MGAM: variants seen among roughly 807,000 people sequenced by gnomAD.
MGAM encodes the protein maltase-glucoamylase, also known as alpha-1,4-glucosidase.
In MGAM, 253 loss-of-function variants were observed where a neutral mutation model predicts 358.8. That is an observed-to-expected ratio of 0.71 (90% CI 0.64 to 0.78). The LOEUF (loss-of-function observed/expected upper bound fraction) is 0.78. Among genes scored for constraint, MGAM ranks in the 30% least tolerant of loss-of-function variants. The pLI is 0.00. For synonymous variants in MGAM, 1,105 were observed against 1,227.1 expected, an observed-to-expected ratio of 0.90 and a Z score of 2.08; for missense variants, 3,080 against 3,432.6, an observed-to-expected ratio of 0.90 and a Z score of 2.57.
chr7:142,034,364 C>A lies in MGAM; in HGVS notation c.1772C>A (p.Ala591Glu). 1 of 1,577,972 alleles carries A rather than the reference C, an allele frequency of 6.3e-7. No homozygotes were observed. Among genetic ancestry groups the A allele is most frequent in the Non-Finnish European group, 8.6e-7 (1 of 1,160,244 alleles). ...DIHNLYGYSM[A>E]VATAEAAKTV... ...CACAATCTGTATGGCTACTCCATGGCGGTCGCCACAGCAGAGTAAGGCCAC... is the reference window on the plus strand; with the variant it reads ...CACAATCTGTATGGCTACTCCATGGAGGTCGCCACAGCAGAGTAAGGCCAC... Residue 591 changes from alanine to glutamate, a missense_variant, in exon 15 of 71, where the codon GCG (alanine) becomes GAG (glutamate). By Grantham distance (107) the Ala-to-Glu change is moderately radical (BLOSUM62 -1). Around this residue, in one of 5 missense-constraint regions of MGAM, gnomAD observed 1,816 missense variants for 1,840.5 expected, o/e 0.99. Transcript: ENST00000475668.
chr7:142,061,048 GA>G (rs1420362279), intron 34 of MGAM, among the ~76,000 whole-genome samples: 1 of 152,158 alleles, frequency 6.6e-6, no homozygotes, highest in Admixed American at 6.5e-5. Flanking sequence ...TTGCTTGAAT[GA>G]ATACATGGCT....
rs187654722 is a variant in MGAM, at chr7:142,044,199, A to G, written c.2498+3353A>G. Among the ~76,000 whole-genome samples the G allele has an allele frequency of 7.8e-3, 1,010 of 129,714 alleles. 178 individuals are homozygous for G. The highest frequency in any genetic ancestry group is 0.018 in the South Asian group (77 of 4,174). 85.1% of individuals were successfully genotyped at this position (129,714 alleles called of 152,430 possible). A position where few individuals can be genotyped will look rare whatever the true frequency, so the allele number is the denominator to read the frequency against. ...TATACACATACGACATATAATATAT[A>G]ATATATACATTATATACACATACGA... On this transcript the variant is annotated intron_variant, in intron 21 of 70. Coordinates refer to ENST00000475668, the MANE Select transcript of MGAM (RefSeq NM_001365693.1).
chr7:142,081,565 G>C (rs114210125), intron 50 of MGAM, among the ~76,000 whole-genome samples: 1 of 146,012 alleles, frequency 6.8e-6, no homozygotes, highest in Non-Finnish European at 1.6e-5. Context: ...AAGTAAGCAG[G>C]TGAGTGCTGG....
rs1584954059 is a variant in MGAM at position 142,034,661 on chromosome 7, C to T, written c.1788-9C>T. ...CCACATTGACTCCTTAAATCTCTCTCCCTTGCAGAGCTGCCAAGACTGTGT... is the reference window on the plus strand; with the variant it reads ...CCACATTGACTCCTTAAATCTCTCTTCCTTGCAGAGCTGCCAAGACTGTGT... On this transcript the variant is annotated splice_polypyrimidine_tract_variant and intron_variant, in intron 15 of 70. Coordinates refer to ENST00000475668, the MANE Select transcript of MGAM (RefSeq NM_001365693.1). The T allele has an allele frequency of 6.2e-7, 1 of 1,611,832 alleles. No individual in the cohort carries two copies. Among genetic ancestry groups the T allele is most frequent in the Non-Finnish European group, 8.5e-7 (1 of 1,178,674 alleles).
intron 66 of MGAM, among the ~76,000 whole-genome samples, chr7:142,098,234 T>G (rs1423809156): frequency 6.6e-6 from 1 of 152,148 alleles, no homozygotes; most frequent in Admixed American, 6.5e-5. Flanking sequence ...GAAGAGCTCC[T>G]TGCCGCATAG....
Position 142,079,060 on chromosome 7 carries a change from A to T in MGAM, c.5847+52A>T. 4 of 1,425,750 alleles carry T rather than the reference A, an allele frequency of 2.8e-6. 1 individual carries two copies. Among genetic ancestry groups the T allele is most frequent in the Non-Finnish European group, 3.9e-6 (4 of 1,027,158 alleles). The allele number at this position is 1,425,750 out of a possible 1,614,324, so 88.3% of individuals were successfully genotyped here. On this transcript the variant is annotated intron_variant, in intron 49 of 70. Transcript: ENST00000475668. ...TGATAAGACCCTTTTCAGTTCCATT[A>T]TCTTTTTCTGGTTCAGGTCACACAA...
At chr7:141,998,358 T>G (rs1455708185) in intron 1 of MGAM, among the ~76,000 whole-genome samples, 2 of 152,130 alleles carry the variant, frequency 1.3e-5, no homozygotes, top group Non-Finnish European at 2.9e-5. Context: ...CATCTAGGTT[T>G]TAAGCCCCAC....
At chr7:142,103,993 CAGGCGTCTGCCACTATGCCCGGCTAAT>C (rs1816644833) in intron 70 of MGAM, among the ~76,000 whole-genome samples, 1 of 152,042 alleles carries the variant, frequency 6.6e-6, no homozygotes, top group Non-Finnish European at 1.5e-5. Flanking sequence ...GCTGTGACTG[CAGGCGTCTGCCACTATGCCCGGCTAAT>C]TTTTTGTATT....
chr7:142,067,949 TATATATATATATATAAATATATATATATA>T (rs1812928935), intron 42 of MGAM, among the ~76,000 whole-genome samples: 1 of 37,224 alleles, frequency 2.7e-5, no homozygotes, highest in Non-Finnish European at 6.0e-5. Flanking sequence ...TATATATATA[TATATATATATATATAAATATATATATATA>T]TATATATATT....
intron 30 of MGAM, among the ~76,000 whole-genome samples, chr7:142,057,464 A>T (rs1223910910): frequency 7.9e-6 from 1 of 126,774 alleles, no homozygotes; most frequent in African/African-American, 2.9e-5. Flanking sequence ...GGTGACAGTG[A>T]GGTGGTGTGA....
At position 142,058,232 on chromosome 7, in the gene MGAM, C is replaced by G. The variant is rs759740339; in HGVS notation, c.3723C>G (p.Tyr1241Ter). Residue 1241 changes from tyrosine to a stop codon, truncating the protein, a stop_gained, in exon 31 of 71, where the codon TAC becomes TAG. Coordinates refer to ENST00000475668, the MANE Select transcript of MGAM (RefSeq NM_001365693.1). LOFTEE classifies it high-confidence loss of function. ...TTGGCCGGCCTGTGATGGTACCTTA[C>G]TGGTCTTTGGGGTTCCAGCTGTGTC... is the stretch of plus-strand genomic sequence containing the variant. ...ELIGRPVMVP[Y>*]WSLGFQLCRY... 1 of 1,613,896 alleles carries G rather than the reference C, an allele frequency of 6.2e-7. No homozygotes were observed. The highest frequency in any genetic ancestry group is 8.5e-7 in the Non-Finnish European group (1 of 1,179,838).
intron 21 of MGAM, among the ~76,000 whole-genome samples, chr7:142,041,076 C>G (rs536659985): frequency 6.6e-6 from 1 of 152,186 alleles, no homozygotes; most frequent in African/African-American, 2.4e-5. Context: ...GTTTCTTTAC[C>G]CTTGACTCAC....
Position 142,052,287 on chromosome 7 carries a change from C to A in MGAM, c.2806-7C>A. 1 of 1,598,172 alleles carries A rather than the reference C, an allele frequency of 6.3e-7. No individual in the cohort carries two copies. Among genetic ancestry groups the A allele is most frequent in the Non-Finnish European group, 8.5e-7 (1 of 1,171,408 alleles). On this transcript the variant is annotated splice_region_variant and splice_polypyrimidine_tract_variant and intron_variant, in intron 24 of 70. Coordinates refer to ENST00000475668, the MANE Select transcript of MGAM (RefSeq NM_001365693.1). ...TGAATTTCCTTATGATTTCCACATT[C>A]CTACAGGTTGCCATTATCACAGATA...
rs1167735172 is a variant in MGAM, at chr7:142,045,432, A to T, written c.2499-2353A>T. ...ATATTATATATACCTATAATACATG[A>T]TATATTATATATACCTATAATACAT... On this transcript the variant is annotated intron_variant, in intron 21 of 70. Coordinates refer to ENST00000475668, the MANE Select transcript of MGAM (RefSeq NM_001365693.1). 1.8e-5 allele frequency among the ~76,000 whole-genome samples: 2 copies of T among 111,332 alleles called. 1 individual carries two copies. Among genetic ancestry groups the T allele is most frequent in the Non-Finnish European group, 3.3e-5 (2 of 61,092 alleles). 73.0% of individuals were successfully genotyped at this position (111,332 alleles called of 152,430 possible).
Position 142,100,684 on chromosome 7 carries a change from G to C in MGAM, c.7875-118G>C, listed in dbSNP as rs1585116091. On this transcript the variant is annotated intron_variant, in intron 67 of 70. Coordinates refer to ENST00000475668, the MANE Select transcript of MGAM (RefSeq NM_001365693.1). ...TAAGACACAAGTCTCTTGAATTCTA[G>C]TATGCAGTCTTTATCCCCCAAAGCA... is the stretch of plus-strand genomic sequence containing the variant. 31 of 814,214 alleles carry C rather than the reference G, an allele frequency of 3.8e-5. No individual in the cohort carries two copies. The East Asian group carries it at 8.2e-4, about 22-fold the overall frequency. The allele number at this position is 814,214 out of a possible 1,614,324, so 50.4% of individuals were successfully genotyped here. A position where few individuals can be genotyped will look rare whatever the true frequency, so the allele number is the denominator to read the frequency against.
At chr7:142,023,485 A>G (rs1394817613) in intron 7 of MGAM, among the ~76,000 whole-genome samples, 2 of 152,078 alleles carry the variant, frequency 1.3e-5, no homozygotes, top group Non-Finnish European at 2.9e-5. Context: ...ATATATATCT[A>G]TTTAGCCATA....
chr7:141,988,467 C>A (rs781902752), intron 2 of MGAM, among the ~76,000 whole-genome samples: 74 of 151,900 alleles, frequency 4.9e-4, no homozygotes, highest in Admixed American at 2.6e-4. Context: ...CAAGTTCAAG[C>A]GATTCTCTTA....
In MGAM at chr7:142,097,524, C is replaced by T. The variant is rs925526401; in HGVS notation, c.7693-69C>T. On this transcript the variant is annotated intron_variant, in intron 65 of 70. Transcript: ENST00000475668. ...CCATCACAATTATTTAACCTCTTTCCTAAGTATTTTGGTTTCTCTGTCCTG... is the reference window on the plus strand; with the variant it reads ...CCATCACAATTATTTAACCTCTTTCTTAAGTATTTTGGTTTCTCTGTCCTG... The T allele has an allele frequency of 5.5e-6, 8 of 1,459,396 alleles. No homozygotes were observed. In the African/African-American group the frequency reaches 1.1e-4, roughly 20 times the overall value. The allele number at this position is 1,459,396 out of a possible 1,614,324, so 90.4% of individuals were successfully genotyped here.
chr7:142,006,897 G>A (rs139451664), intron 2 of MGAM, among the ~76,000 whole-genome samples: 1 of 152,254 alleles, frequency 6.6e-6, no homozygotes, highest in African/African-American at 2.4e-5. Context: ...ACAAATGGAT[G>A]TGGATGGTCT....
Sources: allele counts gnomAD v4.1 joint callset (sites outside exome capture counted in the v4.1 genomes callset), GRCh38; gene constraint gnomAD v4.1.1; regional missense constraint gnomAD v4.1.1; transcripts MANE v1.5; gene names NCBI Gene and HGNC (gene_info 2026-07-23, HGNC 2026-07-21).